The following WNT9B variants were observed in gnomAD, a reference collection of about 807,000 sequenced individuals.
The protein encoded by WNT9B is protein Wnt-9b.
Under a neutral mutation model 30.2 loss-of-function variants are expected in WNT9B, and 12 were observed. The ratio of observed to expected loss-of-function variants is 0.40; its 90% CI spans 0.26 to 0.64. The LOEUF is 0.64. Among genes scored for constraint, WNT9B ranks in the 30% least tolerant of loss-of-function variants. The probability of loss-of-function intolerance (pLI) is 0.42; values close to 1 mark genes in which losing one functional copy is unlikely to be tolerated. For missense variants in WNT9B, 442 were observed against 485.2 expected, an observed-to-expected ratio of 0.91 and a Z score of 0.84; for synonymous variants, 218 against 216.9, an observed-to-expected ratio of 1.01 and a Z score of -0.05.
At chr17:46,873,988 CAAA>C (rs397857419) in intron 2 of WNT9B, among the ~76,000 whole-genome samples, 5 of 69,668 alleles carry the variant, frequency 7.2e-5, no homozygotes, top group Non-Finnish European at 3.1e-5. Flanking sequence ...GACTCTGTCT[CAAA>C]AAAAAAAAAA....
At chr17:46,845,403 C>G (rs2084764297) in intron 1 of WNT9B, among the ~76,000 whole-genome samples, 1 of 151,890 alleles carries the variant, frequency 6.6e-6, no homozygotes, top group Non-Finnish European at 1.5e-5. Context: ...ACGGTGAGCC[C>G]AGTGCCCAAA....
intron 1 of WNT9B, among the ~76,000 whole-genome samples, chr17:46,836,500 G>C (rs1296102415): frequency 6.6e-6 from 1 of 152,198 alleles, no homozygotes; most frequent in Non-Finnish European, 1.5e-5. Flanking sequence ...ATAAGAGGAA[G>C]AAAAGTATGT....
chr17:46,847,056 A>G (rs2084784251), upstream of WNT9B, among the ~76,000 whole-genome samples: 1 of 152,168 alleles, frequency 6.6e-6, no homozygotes, highest in Non-Finnish European at 1.5e-5. Flanking sequence ...AATTTTTTTC[A>G]TTATAAATGT....
At chr17:46,881,905 TCAC>T (rs2085427689), downstream of WNT9B, among the ~76,000 whole-genome samples, 1 of 152,192 alleles carries the variant, frequency 6.6e-6, no homozygotes, top group Non-Finnish European at 1.5e-5. Context: ...CACAAGGCCA[TCAC>T]CACATCTAAG....
intron 1 of WNT9B, among the ~76,000 whole-genome samples, chr17:46,858,455 C>A (rs7223191): frequency 1.3e-5 from 2 of 151,704 alleles, no homozygotes; most frequent in Non-Finnish European, 2.9e-5. Context: ...TTTCTTCCTA[C>A]GTTTTCTCCT....
intron 2 of WNT9B, 182 bp from the exon 3 acceptor site, chr17:46,874,919 G>A: frequency 1.1e-6 from 1 of 895,056 alleles, no homozygotes; most frequent in Non-Finnish European, 1.8e-6. Flanking sequence ...CAGAATTTAA[G>A]GGGCAGTTGA....
chr17:46,838,438 G>A (rs1568112884), intron 1 of WNT9B, among the ~76,000 whole-genome samples: 1 of 151,928 alleles, frequency 6.6e-6, no homozygotes, highest in Non-Finnish European at 1.5e-5. Flanking sequence ...ACCAGCCTGG[G>A]CAACATACTG....
At chr17:46,881,666 C>G (rs774075877), downstream of WNT9B, among the ~76,000 whole-genome samples, 9 of 152,188 alleles carry the variant, frequency 5.9e-5, no homozygotes, top group Admixed American at 1.3e-4. Flanking sequence ...CCACCTCCAG[C>G]TGCTCAATGC....
downstream of WNT9B, among the ~76,000 whole-genome samples, chr17:46,883,430 G>A (rs139472969): frequency 2.5e-4 from 38 of 150,502 alleles, no homozygotes; most frequent in East Asian, 2.8e-3. Context: ...GATTACAGGC[G>A]CCTACCCCAC....
intron 1 of WNT9B, among the ~76,000 whole-genome samples, chr17:46,863,105 T>C (rs1441841814): frequency 3.4e-5 from 2 of 59,578 alleles, no homozygotes; most frequent in African/African-American, 1.5e-4. Context: ...CAATCAGTCG[T>C]GGGCTAGGGA....
chr17:46,858,823 C>T (rs1485994175), intron 1 of WNT9B, among the ~76,000 whole-genome samples: 2 of 151,932 alleles, frequency 1.3e-5, no homozygotes, highest in Admixed American at 6.6e-5. Flanking sequence ...TGCGCCATCA[C>T]GCCCAGCTAA....
At chr17:46,866,553 C>T (rs540296265) in intron 1 of WNT9B, among the ~76,000 whole-genome samples, 5 of 152,066 alleles carry the variant, frequency 3.3e-5, no homozygotes, top group African/African-American at 4.8e-5. Context: ...GCACAAAGGG[C>T]GCACTCACCA....
chr17:46,852,389 AGTGTGTGTGTGTGTGTGTGTGTGT>A (rs61138160), intron 1 of WNT9B, among the ~76,000 whole-genome samples: 5 of 105,322 alleles, frequency 4.7e-5, no homozygotes, highest in Admixed American at 2.8e-4. Flanking sequence ...GAGAGGGCCC[AGTGTGTGTGTGTGTGTGTGTGTGT>A]GTGTGTGTGT....
intron 1 of WNT9B, among the ~76,000 whole-genome samples, chr17:46,868,274 C>A (rs2085173817): frequency 6.6e-6 from 1 of 152,300 alleles, no homozygotes; most frequent in East Asian, 1.9e-4. Context: ...ATCTCATTGG[C>A]CATAAGGCAG....
chr17:46,873,510 C>T lies in WNT9B; in HGVS notation c.334+737C>T, dbSNP rs531525233. Among the ~76,000 whole-genome samples the T allele has an allele frequency of 4.6e-5, 7 of 152,256 alleles. No individual in the cohort carries two copies. The East Asian group carries it at 9.7e-4, about 21-fold the overall frequency. ...GGAATGTGGCTTGAGGACACAGCTCCGGGTGGGTCTCCCTGTCAATTGCCC... is the reference window on the plus strand; with the variant it reads ...GGAATGTGGCTTGAGGACACAGCTCTGGGTGGGTCTCCCTGTCAATTGCCC... On this transcript the variant is annotated intron_variant, in intron 2 of 3. Transcript: ENST00000290015.
At position 46,876,951 on chromosome 17, in the gene WNT9B, G is replaced by C; in HGVS notation, c.*233G>C. 1 of 1,312,506 alleles carries C rather than the reference G, an allele frequency of 7.6e-7. No individual in the cohort carries two copies. The highest frequency in any genetic ancestry group is 9.7e-7 in the Non-Finnish European group (1 of 1,034,492). 81.3% of individuals were successfully genotyped at this position (1,312,506 alleles called of 1,614,324 possible). On this transcript the variant is annotated 3_prime_UTR_variant, in exon 4 of 4. Transcript: ENST00000290015. The stretch of plus-strand genomic sequence containing the variant: ...CCTTAACCCAAGCATCCCCAACCTT[G>C]TTGAGGACTTGGAGAGGAGGGCAGA...
At chr17:46,870,904 C>CT (rs144277402) in intron 1 of WNT9B, among the ~76,000 whole-genome samples, 1,720 of 78,222 alleles carry the variant, frequency 0.022, 29 homozygotes, top group African/African-American at 0.035. Flanking sequence ...TCCACCTTTG[C>CT]TTTTTTTTTT....
At chr17:46,841,921 A>G (rs2084719606) in intron 1 of WNT9B, among the ~76,000 whole-genome samples, 1 of 152,208 alleles carries the variant, frequency 6.6e-6, no homozygotes, top group African/African-American at 2.4e-5. Context: ...GGTCCGCGAG[A>G]GGACAGTCCC....
chr17:46,876,627 C>T lies in WNT9B; in HGVS notation c.983C>T (p.Ala328Val), dbSNP rs779065433. 3 of 1,610,482 alleles carry T rather than the reference C, an allele frequency of 1.9e-6. No homozygotes were observed. Among genetic ancestry groups the T allele is most frequent in the East Asian group, 2.2e-5 (1 of 44,796 alleles). ...RGYDTQSRLV[A>V]FSCHCQVQWC... The stretch of plus-strand genomic sequence containing the variant: ...TATGACACCCAGAGCCGCCTGGTGG[C>T]CTTCTCCTGCCACTGCCAGGTGCAG... Residue 328 changes from alanine (A) to valine (V), a missense_variant, in exon 4 of 4, where the codon GCC (alanine) becomes GTC (valine). Coordinates refer to ENST00000290015, the MANE Select transcript of WNT9B (RefSeq NM_003396.3).
Sources: allele counts gnomAD v4.1 joint callset (sites outside exome capture counted in the v4.1 genomes callset), GRCh38; gene constraint gnomAD v4.1.1; transcripts MANE v1.5; gene names NCBI Gene and HGNC (gene_info 2026-07-23, HGNC 2026-07-21).